The following C8orf34 variants were observed in gnomAD, a reference collection of about 807,000 sequenced individuals.
The protein encoded by C8orf34 is chromosome 8 open reading frame 34.
In C8orf34, 65 loss-of-function variants were observed where a neutral mutation model predicts 68.3. The observed-to-expected ratio is 0.95, with a 90% CI of 0.78 to 1.17. The LOEUF is 1.17. Among genes scored for constraint, C8orf34 ranks in the 50% most tolerant of loss-of-function variants. The pLI is 0.00. For missense variants in C8orf34, 664 were observed against 655.4 expected (o/e 1.01, Z -0.14); for synonymous variants, 244 against 241.2 (o/e 1.01, Z -0.11).
chr8:68,350,471 G>A (rs1436685779), intron 1 of C8orf34, among the ~76,000 whole-genome samples: 2 of 151,532 alleles, frequency 1.3e-5, no homozygotes, highest in African/African-American at 2.4e-5. Flanking sequence ...ATTGAATTTA[G>A]GTTCTGAATA....
intron 10 of C8orf34, among the ~76,000 whole-genome samples, chr8:68,752,205 G>C (rs1470563550): frequency 6.6e-6 from 1 of 152,182 alleles, no homozygotes; most frequent in South Asian, 2.1e-4. Context: ...CTCATTTAGA[G>C]TGATCAAAAT....
At chr8:68,703,748 T>C (rs903313788) in intron 8 of C8orf34, among the ~76,000 whole-genome samples, 2 of 152,010 alleles carry the variant, frequency 1.3e-5, no homozygotes, top group Non-Finnish European at 2.9e-5. Flanking sequence ...CTGTCCAGGG[T>C]TGGCTCAATG....
intron 1 of C8orf34, among the ~76,000 whole-genome samples, chr8:68,362,401 C>T (rs1444462521): frequency 1.3e-5 from 2 of 152,102 alleles, no homozygotes; most frequent in Non-Finnish European, 2.9e-5. Flanking sequence ...CGATTAATTC[C>T]AAAGGCCATG....
rs1369718549 is a variant in C8orf34 at position 68,525,229 on chromosome 8, A to G, written c.938+3258A>G. Among the ~76,000 whole-genome samples the G allele has an allele frequency of 2.6e-5, 4 of 152,202 alleles. No individual in the cohort carries two copies. In the East Asian group the frequency reaches 7.7e-4, roughly 29 times the overall value. On this transcript the variant is annotated intron_variant, in intron 6 of 13. Coordinates refer to ENST00000518698, the MANE Select transcript of C8orf34 (RefSeq NM_052958.4). ...GCAGTAAACAAGTGAATATACAAAT[A>G]TATGCCATAAATTCAAGTAGTGATA...
At chr8:68,374,767 G>T (rs1807719717) in intron 1 of C8orf34, among the ~76,000 whole-genome samples, 1 of 152,038 alleles carries the variant, frequency 6.6e-6, no homozygotes, top group African/African-American at 2.4e-5. Context: ...TTATTATTTT[G>T]TCTTAGGGGA....
intron 10 of C8orf34, among the ~76,000 whole-genome samples, chr8:68,742,738 A>G (rs1285492569): frequency 7.1e-6 from 1 of 139,972 alleles, no homozygotes; most frequent in East Asian, 2.0e-4. Context: ...TAGAAAAGAA[A>G]GACACAGCTT....
intron 10 of C8orf34, among the ~76,000 whole-genome samples, chr8:68,772,824 GTCTT>G (rs1462064450): frequency 1.7e-5 from 2 of 116,040 alleles, no homozygotes; most frequent in African/African-American, 6.8e-5. Context: ...CTTTCTGTCT[GTCTT>G]TCTTTTCTTT....
At chr8:68,461,669 G>A (rs1315610265) in intron 3 of C8orf34, among the ~76,000 whole-genome samples, 4 of 152,160 alleles carry the variant, frequency 2.6e-5, no homozygotes, top group Non-Finnish European at 4.4e-5. Context: ...TTTCAACCCA[G>A]AATTTCCTAT....
At chr8:68,795,520 T>A (rs1163650280) in intron 12 of C8orf34, among the ~76,000 whole-genome samples, 1 of 152,234 alleles carries the variant, frequency 6.6e-6, no homozygotes, top group Non-Finnish European at 1.5e-5. Context: ...GCTGTTTCTT[T>A]ATCTAGCAAC....
At chr8:68,488,467 A>G (rs1381601852) in intron 5 of C8orf34, among the ~76,000 whole-genome samples, 1 of 152,092 alleles carries the variant, frequency 6.6e-6, no homozygotes, top group Non-Finnish European at 1.5e-5. Context: ...ATTTTCCGAG[A>G]TGCCAAGAGA....
intron 1 of C8orf34, among the ~76,000 whole-genome samples, chr8:68,334,740 A>AT (rs1805773568): frequency 6.6e-6 from 1 of 152,204 alleles, no homozygotes; most frequent in African/African-American, 2.4e-5. Context: ...TCCAAATAGA[A>AT]TGGAATCACT....
intron 6 of C8orf34, among the ~76,000 whole-genome samples, chr8:68,524,269 C>G (rs1485576673): frequency 6.6e-6 from 1 of 152,072 alleles, no homozygotes; most frequent in African/African-American, 2.4e-5. Flanking sequence ...GAGTCTTATG[C>G]GTAGAAGCTT....
At chr8:68,470,796 G>A (rs990385535) in intron 4 of C8orf34, among the ~76,000 whole-genome samples, 2 of 151,994 alleles carry the variant, frequency 1.3e-5, no homozygotes, top group African/African-American at 2.4e-5. Context: ...TTTTATAAGG[G>A]CAGTAATCCC....
intron 10 of C8orf34, among the ~76,000 whole-genome samples, chr8:68,775,637 AT>A (rs1330959505): frequency 1.3e-5 from 2 of 152,234 alleles, no homozygotes; most frequent in Non-Finnish European, 2.9e-5. Flanking sequence ...TATGTAAAAA[AT>A]ATTTTTAAGT....
At position 68,410,029 on chromosome 8, in the gene C8orf34, C is replaced by T. The variant is rs142854611; in HGVS notation, c.328-29470C>T. On this transcript the variant is annotated intron_variant, in intron 1 of 13. Coordinates refer to ENST00000518698, the MANE Select transcript of C8orf34 (RefSeq NM_052958.4). ...TAGACCACGTAGGTTTGTGTAAGTG[C>T]ACACTGTGATGTTCCCACAATGACA... Among the ~76,000 whole-genome samples the T allele has an allele frequency of 2.7e-3, 404 of 152,286 alleles. 3 individuals are homozygous for T. The highest frequency in any genetic ancestry group is 9.5e-3 in the African/African-American group (395 of 41,568).
At chr8:68,540,635 T>A (rs1017457269) in intron 7 of C8orf34, among the ~76,000 whole-genome samples, 41 of 150,906 alleles carry the variant, frequency 2.7e-4, no homozygotes, top group Middle Eastern at 6.9e-3. Flanking sequence ...AAGGTCAGAG[T>A]TTGAGACGAG....
chr8:68,409,997 A>T (rs1182332802), intron 1 of C8orf34, among the ~76,000 whole-genome samples: 1 of 152,222 alleles, frequency 6.6e-6, no homozygotes, highest in Non-Finnish European at 1.5e-5. Flanking sequence ...CTAGGTGTGT[A>T]GTAGGCTAGA....
chr8:68,360,729 A>G (rs1806948392), intron 1 of C8orf34, among the ~76,000 whole-genome samples: 1 of 148,940 alleles, frequency 6.7e-6, no homozygotes, highest in African/African-American at 2.5e-5. Context: ...TCTACATGGA[A>G]TATTTCCCTT....
chr8:68,804,135 A>G (rs1194506649), intron 12 of C8orf34, among the ~76,000 whole-genome samples: 1 of 152,122 alleles, frequency 6.6e-6, no homozygotes, highest in Non-Finnish European at 1.5e-5. Flanking sequence ...CTGCAAATCA[A>G]TTTTCCTCAA....
Sources: allele counts gnomAD v4.1 joint callset (sites outside exome capture counted in the v4.1 genomes callset), GRCh38; gene constraint gnomAD v4.1.1; transcripts MANE v1.5; gene names NCBI Gene and HGNC (gene_info 2026-07-23, HGNC 2026-07-21).